ATXN7: variants seen among roughly 807,000 people sequenced by gnomAD.
ATXN7 encodes the protein ataxin 7, also known as ataxin-7.
ATXN7 carries 12 observed loss-of-function variants against 70.5 expected under a neutral mutation model. The ratio of observed to expected loss-of-function variants is 0.17; its 90% CI spans 0.11 to 0.28. The LOEUF is 0.28. Ranked by LOEUF, ATXN7 falls within the 10% of genes least tolerant of loss-of-function variation. The pLI is 1.00. For synonymous variants in ATXN7, 498 were observed against 448.7 expected (o/e 1.11, Z -1.39); for missense variants, 1,256 against 1,131.7 (o/e 1.11, Z -1.58).
intron 11 of ATXN7, 26 bp downstream of exon 11, chr3:63,990,885 G>C (rs1196430092): frequency 6.2e-7 from 1 of 1,614,200 alleles, no homozygotes; most frequent in Non-Finnish European, 8.5e-7. Context: ...TCTTGGGAGA[G>C]GAGCTGACTT....
At chr3:63,974,855 G>T (rs2075366788) in intron 5 of ATXN7, among the ~76,000 whole-genome samples, 1 of 152,212 alleles carries the variant, frequency 6.6e-6, no homozygotes, top group African/African-American at 2.4e-5. Flanking sequence ...AAGGGTTGCA[G>T]CTTGTGAGTT....
chr3:63,971,954 C>T (rs927008084), intron 5 of ATXN7, among the ~76,000 whole-genome samples: 1 of 152,008 alleles, frequency 6.6e-6, no homozygotes, highest in African/African-American at 2.4e-5. Context: ...TTGTTTTATG[C>T]AGTCTTTATT....
rs1467682500 is a variant in ATXN7 at position 63,955,092 on chromosome 3, C to T, written c.499+2609C>T. On this transcript the variant is annotated intron_variant, in intron 5 of 12. Coordinates refer to ENST00000674280, the MANE Select transcript of ATXN7 (RefSeq NM_001377405.1). ...TAGCACGGTATCTCCTAATAAGATA[C>T]TTGTTGAATGACAAAGCGTTGGTGA... Among the ~76,000 whole-genome samples the T allele has an allele frequency of 2.6e-5, 4 of 152,142 alleles. No individual in the cohort carries two copies. The South Asian group carries it at 8.3e-4, about 31-fold the overall frequency.
intron 5 of ATXN7, among the ~76,000 whole-genome samples, chr3:63,962,830 T>A (rs1449532384): frequency 6.6e-6 from 1 of 152,098 alleles, no homozygotes; most frequent in East Asian, 1.9e-4. Flanking sequence ...TGAGTCTCAG[T>A]CTGCTTAGCC....
At chr3:63,968,508 A>AT (rs1312903118) in intron 5 of ATXN7, 1 of 152,298 alleles carries the variant, frequency 6.6e-6, no homozygotes, top group African/African-American at 2.4e-5. Context: ...TTCCTGTAGA[A>AT]TGTGTTTGAA....
intron 1 of ATXN7, among the ~76,000 whole-genome samples, chr3:63,874,118 T>C (rs1702676613): frequency 6.6e-6 from 1 of 152,220 alleles, no homozygotes; most frequent in Non-Finnish European, 1.5e-5. Flanking sequence ...GTTTTTTACA[T>C]GATAATCTTT....
At chr3:63,987,237 T>C (rs1559658277) in intron 8 of ATXN7, among the ~76,000 whole-genome samples, 1 of 152,258 alleles carries the variant, frequency 6.6e-6, no homozygotes, top group Non-Finnish European at 1.5e-5. Flanking sequence ...CATTTTCTTA[T>C]ACGATTTGCT....
chr3:63,965,166 TATC>T (rs1228440569), intron 5 of ATXN7, among the ~76,000 whole-genome samples: 1 of 152,192 alleles, frequency 6.6e-6, no homozygotes, highest in African/African-American at 2.4e-5. Context: ...TTAACTCCTC[TATC>T]ATCCATCCAG....
intron 5 of ATXN7, among the ~76,000 whole-genome samples, chr3:63,952,803 A>G (rs1217818499): frequency 1.5e-5 from 2 of 133,622 alleles, no homozygotes; most frequent in African/African-American, 5.9e-5. Flanking sequence ...GGATTTTAAA[A>G]TTATATACAC....
intron 4 of ATXN7, among the ~76,000 whole-genome samples, chr3:63,947,907 G>A (rs181080338): frequency 1.3e-5 from 2 of 152,288 alleles, no homozygotes; most frequent in Non-Finnish European, 2.9e-5. Flanking sequence ...CAAGGAGAGA[G>A]AAGTGGGGAA....
intron 4 of ATXN7, among the ~76,000 whole-genome samples, chr3:63,949,215 G>A (rs921239099): frequency 1.3e-5 from 2 of 149,768 alleles, no homozygotes; most frequent in Non-Finnish European, 2.9e-5. Context: ...TGTTGCTAAG[G>A]CCCCTGGAAT....
In ATXN7 at chr3:63,912,801, C is replaced by T. The variant is rs774334964; in HGVS notation, c.203C>T (p.Ala68Val). Residue 68 changes from alanine (A) to valine (V), a missense_variant, in exon 3 of 13, where the codon GCC (alanine) becomes GTC (valine). Physicochemically the swap from Ala to Val is moderately conservative, Grantham distance 64. Coordinates refer to ENST00000674280, the MANE Select transcript of ATXN7 (RefSeq NM_001377405.1). ...TRPEDGGPGA[A>V]STSAAAMATV... ...CCGGAGGACGGCGGGCCCGGCGCCG[C>T]CTCCACCTCGGCCGCCGCAATGGCG... 1 of 1,558,370 alleles carries T rather than the reference C, an allele frequency of 6.4e-7. No individual in the cohort carries two copies. The highest frequency in any genetic ancestry group is 1.4e-5 in the African/African-American group (1 of 70,466).
intron 4 of ATXN7, 100 bp from the exon 5 acceptor site, chr3:63,952,279 A>G: frequency 1.4e-6 from 1 of 725,094 alleles, no homozygotes; most frequent in Non-Finnish European, 2.2e-6. Context: ...GTCCTGGTAT[A>G]CTTTACAATA....
intron 4 of ATXN7, among the ~76,000 whole-genome samples, chr3:63,950,064 G>A (rs1010627538): frequency 2.0e-5 from 3 of 152,140 alleles, no homozygotes; most frequent in Admixed American, 6.5e-5. Context: ...TTAAGTTATT[G>A]AGGAAATAGA....
intron 4 of ATXN7, among the ~76,000 whole-genome samples, chr3:63,931,148 A>G (rs1368383859): frequency 6.6e-6 from 1 of 152,004 alleles, no homozygotes; most frequent in Non-Finnish European, 1.5e-5. Flanking sequence ...TGTGTTGCCC[A>G]GGCTGATCTT....
intron 4 of ATXN7, among the ~76,000 whole-genome samples, chr3:63,930,192 C>T (rs1336484679): frequency 2.0e-5 from 3 of 152,088 alleles, no homozygotes; most frequent in Non-Finnish European, 4.4e-5. Flanking sequence ...TTTACCAGCC[C>T]CTGTTCAGAG....
At chr3:63,921,805 A>G (rs1411333245) in intron 4 of ATXN7, among the ~76,000 whole-genome samples, 2 of 152,314 alleles carry the variant, frequency 1.3e-5, no homozygotes, top group East Asian at 3.9e-4. Flanking sequence ...GAATAATGCT[A>G]GTAACTAATA....
intron 8 of ATXN7, 22 bp downstream of exon 8, chr3:63,983,043 A>C: frequency 6.3e-7 from 1 of 1,589,808 alleles, no homozygotes; most frequent in Non-Finnish European, 8.6e-7. Context: ...CCTGAAAGTC[A>C]AGTCGACCAT....
intron 5 of ATXN7, among the ~76,000 whole-genome samples, chr3:63,969,153 A>G (rs1231034745): frequency 6.6e-6 from 1 of 152,214 alleles, no homozygotes; most frequent in Non-Finnish European, 1.5e-5. Context: ...AAACATTGGC[A>G]TTCCTGGGTA....
Sources: allele counts gnomAD v4.1 joint callset (sites outside exome capture counted in the v4.1 genomes callset), GRCh38; gene constraint gnomAD v4.1.1; transcripts MANE v1.5; gene names NCBI Gene and HGNC (gene_info 2026-07-23, HGNC 2026-07-21).